KCNMA1: variants seen among roughly 807,000 people sequenced by gnomAD.
KCNMA1 encodes Calcium-activated potassium channel subunit alpha-1.
Under a neutral mutation model 140.0 loss-of-function variants are expected in KCNMA1, and 29 were observed. The observed-to-expected ratio is 0.21, with a 90% CI of 0.15 to 0.28. KCNMA1 has a LOEUF of 0.28. KCNMA1 is among the 10% of genes least tolerant of loss of function. The pLI, the probability that KCNMA1 is intolerant of heterozygous loss-of-function variation, is 1.00. For missense variants in KCNMA1, 880 were observed against 1,602.2 expected, an observed-to-expected ratio of 0.55 and a Z score of 7.70; for synonymous variants, 612 against 611.9, an observed-to-expected ratio of 1.00 and a Z score of 0.00.
chr10:76,977,126 G>A lies in KCNMA1; in HGVS notation c.2267-7059C>T, dbSNP rs978444743. 2.6e-5 allele frequency among the ~76,000 whole-genome samples: 4 copies of A among 152,268 alleles called. 1 individual carries two copies. The highest frequency in any genetic ancestry group is 5.9e-5 in the Non-Finnish European group (4 of 68,022). The stretch of plus-strand genomic sequence containing the variant: ...GCCAACTTTCGGCTTTGTGGCAAAA[G>A]TTAAACCTGACTCCTTTAGGTTGCC... On this transcript the variant is annotated intron_variant, in intron 19 of 27. Coordinates refer to ENST00000286628, the MANE Select transcript of KCNMA1 (RefSeq NM_001161352.2).
chr10:76,986,083 G>T (rs1342781798), intron 19 of KCNMA1, among the ~76,000 whole-genome samples: 1 of 152,176 alleles, frequency 6.6e-6, no homozygotes, highest in Non-Finnish European at 1.5e-5. Context: ...CTACCATGCT[G>T]ATAACATAGC....
intron 2 of KCNMA1, among the ~76,000 whole-genome samples, chr10:77,290,506 G>A (rs1836392794): frequency 6.6e-6 from 1 of 152,212 alleles, no homozygotes; most frequent in Admixed American, 6.5e-5. Context: ...CCTTATGTGT[G>A]AAAAGGGGCA....
intron 1 of KCNMA1, among the ~76,000 whole-genome samples, chr10:77,439,098 AAG>A (rs2097330167): frequency 8.7e-6 from 1 of 115,138 alleles, no homozygotes; most frequent in Non-Finnish European, 1.9e-5. Flanking sequence ...AAGAGAAGAG[AAG>A]AGAAGAGAAG....
chr10:76,978,102 C>G (rs972749031), intron 19 of KCNMA1, among the ~76,000 whole-genome samples: 2 of 152,236 alleles, frequency 1.3e-5, no homozygotes, highest in African/African-American at 4.8e-5. Flanking sequence ...TCATCTGCCC[C>G]TTGTCAAACT....
At chr10:77,153,910 C>G (rs969810809) in intron 5 of KCNMA1, among the ~76,000 whole-genome samples, 3 of 152,154 alleles carry the variant, frequency 2.0e-5, no homozygotes, top group Non-Finnish European at 2.9e-5. Context: ...TGCTTATTAA[C>G]TTTCCCAACG....
intron 19 of KCNMA1, chr10:76,977,776 G>A: frequency 3.3e-6 from 2 of 609,658 alleles, no homozygotes; most frequent in South Asian, 2.0e-5. Flanking sequence ...AGCCCTGCTG[G>A]TCCGCTCGTG....
In KCNMA1 at chr10:77,454,267, C is replaced by A. The variant is rs113036551; in HGVS notation, c.379-50244G>T. On this transcript the variant is annotated intron_variant, in intron 1 of 27. Coordinates refer to ENST00000286628, the MANE Select transcript of KCNMA1 (RefSeq NM_001161352.2). ...ATCTACAGTGTATTTCAGGACCCAG[C>A]CATAGAGCCCCTCTGGTCCTAGAAA... Among the ~76,000 whole-genome samples the A allele has an allele frequency of 1.6e-3, 237 of 152,262 alleles. 1 individual carries two copies. The highest frequency in any genetic ancestry group is 6.4e-3 in the East Asian group (33 of 5,180).
At chr10:77,079,367 A>AGTGTGTGT in intron 13 of KCNMA1, 114 bp downstream of exon 13, 1 of 379,344 alleles carries the variant, frequency 2.6e-6, no homozygotes, top group Non-Finnish European at 4.9e-6. Context: ...TGGGCATGTG[A>AGTGTGTGT]GAGTGTGTGT....
chr10:77,044,213 T>C (rs910152317), intron 14 of KCNMA1, among the ~76,000 whole-genome samples: 9 of 152,204 alleles, frequency 5.9e-5, no homozygotes, highest in Admixed American at 2.6e-4. Context: ...TCAGTCTTTA[T>C]ACCTACCCAA....
intron 5 of KCNMA1, among the ~76,000 whole-genome samples, chr10:77,142,089 C>T (rs773693823): frequency 2.6e-5 from 4 of 152,060 alleles, no homozygotes; most frequent in Non-Finnish European, 4.4e-5. Flanking sequence ...CTAAGTAGGC[C>T]GGGCGCAGTG....
At chr10:76,878,467 A>C (rs2033089897) in intron 29 of KCNMA1, among the ~76,000 whole-genome samples, 1 of 152,160 alleles carries the variant, frequency 6.6e-6, no homozygotes, top group Non-Finnish European at 1.5e-5. Flanking sequence ...GGGGGGTCTA[A>C]ACTAAACCCA....
At chr10:76,974,410 C>T in intron 19 of KCNMA1, 2 of 875,802 alleles carry the variant, frequency 2.3e-6, no homozygotes, top group East Asian at 2.7e-5. Flanking sequence ...TTCAACTGAG[C>T]TCAGCATGGT....
intron 2 of KCNMA1, among the ~76,000 whole-genome samples, chr10:77,324,981 G>GTA (rs1565985504): frequency 3.0e-5 from 3 of 101,692 alleles, no homozygotes; most frequent in Non-Finnish European, 6.8e-5. Flanking sequence ...CTGTGTGTGT[G>GTA]TGTGTGTGTG....
At chr10:77,247,487 C>A (rs2058785649) in intron 3 of KCNMA1, among the ~76,000 whole-genome samples, 1 of 151,838 alleles carries the variant, frequency 6.6e-6, no homozygotes, top group Admixed American at 6.6e-5. Flanking sequence ...CGTCTGCAGG[C>A]ACTCTTGACT....
chr10:77,521,257 C>T (rs140715932), intron 1 of KCNMA1, among the ~76,000 whole-genome samples: 1 of 152,166 alleles, frequency 6.6e-6, no homozygotes, highest in Non-Finnish European at 1.5e-5. Context: ...TTTGTGTCAC[C>T]CTCATCTGAA....
rs140913723 is a variant in KCNMA1 at position 76,907,906 on chromosome 10, G to A, written c.3147+2060C>T. 4.3e-3 allele frequency among the ~76,000 whole-genome samples: 659 copies of A among 152,210 alleles called. 6 individuals are homozygous for A. Among genetic ancestry groups the A allele is most frequent in the African/African-American group, 0.015 (610 of 41,522 alleles). ...AAATTCTTAATAATTCATGAAAAGT[G>A]ACCTTGCAAATTATGTAGCCAGTCC... On this transcript the variant is annotated intron_variant, in intron 25 of 27. Coordinates refer to ENST00000286628, the MANE Select transcript of KCNMA1 (RefSeq NM_001161352.2).
chr10:76,872,786 A>G (rs2031610352), downstream of KCNMA1: 1 of 152,218 alleles, frequency 6.6e-6, no homozygotes, highest in Non-Finnish European at 1.5e-5. Context: ...ACGCAGTTCA[A>G]TGCAAACTCT....
intron 2 of KCNMA1, chr10:77,372,999 T>A (rs2094843375): frequency 6.6e-6 from 1 of 152,240 alleles, no homozygotes; most frequent in Admixed American, 6.5e-5. Context: ...AGCCAGATTA[T>A]GTGAAGTTAC....
At chr10:77,560,320 G>C (rs996361282) in intron 1 of KCNMA1, among the ~76,000 whole-genome samples, 3 of 152,166 alleles carry the variant, frequency 2.0e-5, no homozygotes, top group Non-Finnish European at 4.4e-5. Flanking sequence ...ATATTAAAAG[G>C]GTTGCTGCAT....
Sources: allele counts gnomAD v4.1 joint callset (sites outside exome capture counted in the v4.1 genomes callset), GRCh38; gene constraint gnomAD v4.1.1; transcripts MANE v1.5; gene names NCBI Gene and HGNC (gene_info 2026-07-23, HGNC 2026-07-21).